The following PPM1L variants were observed in gnomAD, a reference collection of about 807,000 sequenced individuals.
The protein encoded by PPM1L is protein phosphatase 1L.
A neutral mutation model predicts 31.4 loss-of-function variants in PPM1L; 13 were observed. The ratio of observed to expected loss-of-function variants is 0.41; its 90% CI spans 0.27 to 0.66. PPM1L has a LOEUF of 0.66. Among genes scored for constraint, PPM1L ranks in the 30% least tolerant of loss-of-function variants. The probability of loss-of-function intolerance (pLI) is 0.29; values close to 1 mark genes in which losing one functional copy is unlikely to be tolerated. For missense variants in PPM1L, 326 were observed against 453.7 expected, an observed-to-expected ratio of 0.72 and a Z score of 2.56; for synonymous variants, 184 against 175.4, an observed-to-expected ratio of 1.05 and a Z score of -0.39.
At chr3:160,930,689 A>T (rs1714757706) in intron 1 of PPM1L, among the ~76,000 whole-genome samples, 2 of 152,192 alleles carry the variant, frequency 1.3e-5, no homozygotes, top group African/African-American at 2.4e-5. Context: ...AAGGAGTTTA[A>T]GAGGGAAGCT....
chr3:160,920,501 G>T (rs1315296951), intron 1 of PPM1L, among the ~76,000 whole-genome samples: 1 of 151,868 alleles, frequency 6.6e-6, no homozygotes, highest in African/African-American at 2.4e-5. Flanking sequence ...TTAGGAGTGC[G>T]GTGTATGGTC....
intron 1 of PPM1L, among the ~76,000 whole-genome samples, chr3:160,885,752 C>T (rs966734543): frequency 2.6e-5 from 4 of 152,236 alleles, no homozygotes; most frequent in African/African-American, 4.8e-5. Flanking sequence ...ACCCACGCCA[C>T]GGGGTCTAGG....
chr3:160,797,778 T>C (rs1424060405), intron 1 of PPM1L, among the ~76,000 whole-genome samples: 1 of 152,176 alleles, frequency 6.6e-6, no homozygotes, highest in East Asian at 1.9e-4. Flanking sequence ...CCTAACTCTC[T>C]TGAATTGTAT....
chr3:161,006,927 C>G (rs1717730587), intron 2 of PPM1L, among the ~76,000 whole-genome samples: 1 of 152,192 alleles, frequency 6.6e-6, no homozygotes, highest in South Asian at 2.1e-4. Flanking sequence ...CGTGATCCAC[C>G]TGCCTCAGCC....
intron 2 of PPM1L, among the ~76,000 whole-genome samples, chr3:160,985,295 A>G (rs1056136327): frequency 7.9e-5 from 12 of 152,190 alleles, no homozygotes; most frequent in East Asian, 3.8e-4. Context: ...TTCTCCCCCA[A>G]TGACTCCACT....
intron 2 of PPM1L, among the ~76,000 whole-genome samples, chr3:160,991,478 A>G (rs1717133318): frequency 6.6e-6 from 1 of 152,214 alleles, no homozygotes; most frequent in Non-Finnish European, 1.5e-5. Context: ...ACTCTCAATT[A>G]CAGATATTGA....
chr3:160,765,174 T>C (rs1715074434), intron 1 of PPM1L, among the ~76,000 whole-genome samples: 1 of 152,190 alleles, frequency 6.6e-6, no homozygotes, highest in South Asian at 2.1e-4. Flanking sequence ...GGTGTAGAAA[T>C]TAAGGCACTG....
chr3:161,020,190 A>G, intron 2 of PPM1L, among the ~76,000 whole-genome samples: 1 of 151,946 alleles, frequency 6.6e-6, no homozygotes, highest in East Asian at 1.9e-4. Context: ...TCAATTTTAT[A>G]CTCTAATATA....
intron 1 of PPM1L, among the ~76,000 whole-genome samples, chr3:160,781,655 A>C (rs1371249805): frequency 1.3e-5 from 2 of 152,174 alleles, no homozygotes; most frequent in African/African-American, 4.8e-5. Context: ...AGGCTGAAGG[A>C]CCGGCAACTT....
At chr3:161,001,842 T>A (rs1300055152) in intron 2 of PPM1L, among the ~76,000 whole-genome samples, 1 of 152,120 alleles carries the variant, frequency 6.6e-6, no homozygotes, top group African/African-American at 2.4e-5. Flanking sequence ...TTTTTTTAAT[T>A]CATTATTATT....
chr3:160,758,352 C>T (rs1200433395), intron 1 of PPM1L, among the ~76,000 whole-genome samples: 2 of 152,082 alleles, frequency 1.3e-5, no homozygotes. Context: ...TGCCTAAATT[C>T]AATGAGGGTG....
chr3:160,999,555 G>T (rs1290857125), intron 2 of PPM1L, among the ~76,000 whole-genome samples: 5 of 152,108 alleles, frequency 3.3e-5, no homozygotes. Context: ...TGTTGCTGTG[G>T]TTTCTGCTGC....
At chr3:160,991,610 A>G (rs1381895012) in intron 2 of PPM1L, among the ~76,000 whole-genome samples, 2 of 152,170 alleles carry the variant, frequency 1.3e-5, no homozygotes, top group African/African-American at 4.8e-5. Context: ...TAGAGTTACT[A>G]TAAGTCTATT....
chr3:160,882,666 C>A (rs1479893473), intron 1 of PPM1L, among the ~76,000 whole-genome samples: 1 of 152,132 alleles, frequency 6.6e-6, no homozygotes, highest in Non-Finnish European at 1.5e-5. Flanking sequence ...AAACAGATCT[C>A]TTTTTGGGAA....
chr3:160,937,811 A>G (rs1715029385), intron 1 of PPM1L, among the ~76,000 whole-genome samples: 1 of 152,162 alleles, frequency 6.6e-6, no homozygotes, highest in African/African-American at 2.4e-5. Context: ...GAGTCACTAA[A>G]TGGTAGGAAC....
chr3:160,794,982 C>T (rs1319152266), intron 1 of PPM1L, among the ~76,000 whole-genome samples: 4 of 152,036 alleles, frequency 2.6e-5, no homozygotes, highest in African/African-American at 7.2e-5. Context: ...GAAGATAAAC[C>T]TAGTATGGCA....
intron 1 of PPM1L, among the ~76,000 whole-genome samples, chr3:160,942,874 T>C (rs1397027265): frequency 6.6e-6 from 1 of 152,202 alleles, no homozygotes; most frequent in African/African-American, 2.4e-5. Context: ...GGAAATTCTT[T>C]ATGATTTTTC....
chr3:161,009,923 AAATAT>A (rs1475069723), intron 2 of PPM1L, among the ~76,000 whole-genome samples: 1 of 152,218 alleles, frequency 6.6e-6, no homozygotes, highest in Non-Finnish European at 1.5e-5. Context: ...GAAGATATTC[AAATAT>A]AATATGTCAC....
At chr3:160,960,471 A>G (rs1715921405) in intron 1 of PPM1L, among the ~76,000 whole-genome samples, 1 of 151,602 alleles carries the variant, frequency 6.6e-6, no homozygotes, top group Admixed American at 6.6e-5. Flanking sequence ...TCTTTTTTCT[A>G]TGTAGATGTG....
Sources: allele counts gnomAD v4.1 joint callset (sites outside exome capture counted in the v4.1 genomes callset), GRCh38; gene constraint gnomAD v4.1.1; transcripts MANE v1.5; gene names NCBI Gene and HGNC (gene_info 2026-07-23, HGNC 2026-07-21).